The following C12orf56 variants were observed in gnomAD, a reference collection of about 807,000 sequenced individuals.
The protein encoded by C12orf56 is uncharacterized protein C12orf56.
A neutral mutation model predicts 69.9 loss-of-function variants in C12orf56; 71 were observed. The observed-to-expected ratio is 1.02, with a 90% CI of 0.84 to 1.24. The LOEUF (loss-of-function observed/expected upper bound fraction) is 1.24, where lower values mean the gene tolerates loss of function less well. Ranked by LOEUF, C12orf56 falls within the 50% of genes most tolerant of loss-of-function variation. C12orf56 has a pLI of 0.00. For missense variants in C12orf56, 732 were observed against 738.5 expected (o/e 0.99, Z 0.10); for synonymous variants, 276 against 274.1 (o/e 1.01, Z -0.07).
At chr12:64,304,428 GA>G (rs1197337668) in intron 5 of C12orf56, among the ~76,000 whole-genome samples, 1 of 152,116 alleles carries the variant, frequency 6.6e-6, no homozygotes, top group Non-Finnish European at 1.5e-5. Context: ...TCCCATTACT[GA>G]ACCACGTGTC....
intron 1 of C12orf56, among the ~76,000 whole-genome samples, chr12:64,374,512 T>G (rs1229654305): frequency 1.3e-5 from 2 of 152,194 alleles, no homozygotes; most frequent in Non-Finnish European, 2.9e-5. Context: ...TTTATCTTAC[T>G]TTTATCAAAA....
intron 5 of C12orf56, among the ~76,000 whole-genome samples, chr12:64,306,349 G>A (rs945488493): frequency 2.7e-5 from 4 of 150,882 alleles, no homozygotes; most frequent in African/African-American, 7.3e-5. Flanking sequence ...CTATACTAAT[G>A]TTAACAGATA....
At chr12:64,345,458 A>G (rs1320693244) in intron 2 of C12orf56, among the ~76,000 whole-genome samples, 4 of 152,268 alleles carry the variant, frequency 2.6e-5, no homozygotes, top group South Asian at 2.1e-4. Context: ...AGTGTCCCCA[A>G]CTTCATCAGG....
At chr12:64,296,057 G>A (rs2038360527) in intron 6 of C12orf56, among the ~76,000 whole-genome samples, 1 of 152,160 alleles carries the variant, frequency 6.6e-6, no homozygotes, top group African/African-American at 2.4e-5. Context: ...GTGAGTTGGA[G>A]AACTGAGTGG....
chr12:64,355,404 G>T (rs1168491025), intron 1 of C12orf56, among the ~76,000 whole-genome samples: 7 of 151,922 alleles, frequency 4.6e-5, no homozygotes, highest in Non-Finnish European at 1.0e-4. Context: ...TCTGACTTAG[G>T]CTAAACAATT....
At position 64,358,482 on chromosome 12, in the gene C12orf56, A is replaced by ATCATCATCATCATCATCATC. The variant is rs2039352108; in HGVS notation, c.253-5427_253-5426insGATGATGATGATGATGATGA. ...CAAAAGTAATAATAATAATAATAAT[A>ATCATCATCATCATCATCATC]ATCATCATCATCATCATCATCATCA... On this transcript the variant is annotated intron_variant, in intron 1 of 12. Transcript: ENST00000543942. 2.6e-3 allele frequency among the ~76,000 whole-genome samples: 322 copies of ATCATCATCATCATCATCATC among 125,928 alleles called. 1 individual carries two copies. The highest frequency in any genetic ancestry group is 0.012 in the Middle Eastern group (3 of 254). The allele number at this position is 125,928 out of a possible 152,430, so 82.6% of individuals were successfully genotyped here.
intron 2 of C12orf56, among the ~76,000 whole-genome samples, chr12:64,331,620 C>T (rs1344361658): frequency 6.6e-6 from 1 of 152,144 alleles, no homozygotes; most frequent in Non-Finnish European, 1.5e-5. Flanking sequence ...CGGGAGTGCC[C>T]TAGTCCCACT....
At chr12:64,366,206 AT>A (rs2039476429) in intron 1 of C12orf56, among the ~76,000 whole-genome samples, 2 of 90,868 alleles carry the variant, frequency 2.2e-5, no homozygotes, top group Non-Finnish European at 4.1e-5. Context: ...TATAGCTTGT[AT>A]AATATACAGT....
intron 6 of C12orf56, among the ~76,000 whole-genome samples, chr12:64,302,878 G>A (rs960395288): frequency 1.3e-5 from 2 of 152,148 alleles, no homozygotes; most frequent in Admixed American, 6.5e-5. Flanking sequence ...GCTCATGCCC[G>A]TAATCACAGC....
rs750455670 is a variant in C12orf56 at position 64,371,903 on chromosome 12, C to CT, written c.252+18410dup. Among the ~76,000 whole-genome samples, 561 of 121,876 alleles carry CT rather than the reference C, an allele frequency of 4.6e-3. 5 individuals carry two copies. The highest frequency in any genetic ancestry group is 0.015 in the African/African-American group (380 of 24,762). The allele number at this position is 121,876 out of a possible 152,430, so 80.0% of individuals were successfully genotyped here. On this transcript the variant is annotated intron_variant, in intron 1 of 12. Transcript: ENST00000543942. The stretch of plus-strand genomic sequence containing the variant: ...ATGATATTGGTCTTGGCAATGATTT[C>CT]TTTTTTTTTTTTTTTTTTTTTGCAC...
chr12:64,284,089 G>A (rs1374928331), intron 8 of C12orf56, among the ~76,000 whole-genome samples: 2 of 151,850 alleles, frequency 1.3e-5, no homozygotes, highest in African/African-American at 4.8e-5. Context: ...GTAGAGACAG[G>A]GTTTCACCAT....
At chr12:64,275,190 A>T in intron 10 of C12orf56, 108 bp downstream of exon 10, 1 of 713,354 alleles carries the variant, frequency 1.4e-6, no homozygotes, top group Non-Finnish European at 2.2e-6. Context: ...TTGATATATT[A>T]TTAATCATAT....
chr12:64,341,154 A>C (rs2039069072), intron 2 of C12orf56, among the ~76,000 whole-genome samples: 1 of 152,150 alleles, frequency 6.6e-6, no homozygotes, highest in South Asian at 2.1e-4. Context: ...TTCCAGTTTA[A>C]TGAAATCGTT....
intron 3 of C12orf56, among the ~76,000 whole-genome samples, chr12:64,328,677 C>A (rs2038876531): frequency 8.0e-5 from 3 of 37,634 alleles, no homozygotes; most frequent in African/African-American, 2.2e-4. Flanking sequence ...AAGACTCCAT[C>A]TCAAAAAAAA....
chr12:64,315,105 C>T (rs1448491583), intron 4 of C12orf56, among the ~76,000 whole-genome samples: 2 of 151,378 alleles, frequency 1.3e-5, no homozygotes, highest in Admixed American at 1.3e-4. Flanking sequence ...GCGCCCACCA[C>T]CACGGCCAGC....
intron 2 of C12orf56, among the ~76,000 whole-genome samples, chr12:64,343,460 G>C (rs771567136): frequency 6.6e-6 from 1 of 152,202 alleles, no homozygotes; most frequent in African/African-American, 2.4e-5. Context: ...AAGGTATATT[G>C]CTGGCCTAGC....
chr12:64,309,805 C>A (rs1303889905), intron 5 of C12orf56, among the ~76,000 whole-genome samples: 1 of 151,940 alleles, frequency 6.6e-6, no homozygotes, highest in Admixed American at 6.6e-5. Flanking sequence ...GCCACTGCAC[C>A]CGGCTTATCA....
At chr12:64,386,534 T>C (rs2039793635) in intron 1 of C12orf56, among the ~76,000 whole-genome samples, 1 of 151,964 alleles carries the variant, frequency 6.6e-6, no homozygotes, top group South Asian at 2.1e-4. Flanking sequence ...GTAGCTGGCG[T>C]TATAGGCATG....
intron 5 of C12orf56, among the ~76,000 whole-genome samples, chr12:64,311,856 T>C (rs571879114): frequency 7.2e-5 from 11 of 152,138 alleles, no homozygotes; most frequent in Non-Finnish European, 1.0e-4. Flanking sequence ...TCTGTTGTAA[T>C]GGAGAATGGG....
Sources: allele counts gnomAD v4.1 joint callset (sites outside exome capture counted in the v4.1 genomes callset), GRCh38; gene constraint gnomAD v4.1.1; transcripts MANE v1.5; gene names NCBI Gene and HGNC (gene_info 2026-07-23, HGNC 2026-07-21).